The following LEPR variants were observed in gnomAD, a reference collection of about 807,000 sequenced individuals.
LEPR encodes the protein leptin receptor.
LEPR carries 56 observed loss-of-function variants against 114.7 expected under a neutral mutation model. The ratio of observed to expected loss-of-function variants is 0.49; its 90% CI spans 0.39 to 0.61. The LOEUF (loss-of-function observed/expected upper bound fraction) is 0.61. Ranked by LOEUF, LEPR falls within the 20% of genes least tolerant of loss-of-function variation. LEPR has a pLI of 0.00. For synonymous variants in LEPR, 443 were observed against 461.4 expected (o/e 0.96, Z 0.51); for missense variants, 1,202 against 1,352.9 (o/e 0.89, Z 1.75).
Position 65,566,201 on chromosome 1 carries a change from C to CTTT in LEPR, c.40+614_40+616dup, listed in dbSNP as rs35617332. The stretch of plus-strand genomic sequence containing the variant: ...GGAAAAATATTTCTGTAGATTAATT[C>CTTT]TTTTTTTTTTTTTTTTTTTTGAGAC... On this transcript the variant is annotated intron_variant, in intron 3 of 19. Coordinates refer to ENST00000349533, the MANE Select transcript of LEPR (RefSeq NM_002303.6). Among the ~76,000 whole-genome samples, 138 of 113,540 alleles carry CTTT rather than the reference C, an allele frequency of 1.2e-3. 1 individual carries two copies. The highest frequency in any genetic ancestry group is 1.9e-3 in the East Asian group (7 of 3,736). The allele number at this position is 113,540 out of a possible 152,430, so 74.5% of individuals were successfully genotyped here.
intron 2 of LEPR, among the ~76,000 whole-genome samples, chr1:65,464,444 T>A (rs1646984378): frequency 6.6e-6 from 1 of 152,216 alleles, no homozygotes; most frequent in Non-Finnish European, 1.5e-5. Context: ...TTATTGAGGA[T>A]TTTTGCGTTG....
chr1:65,549,868 C>G (rs1274551987), intron 2 of LEPR, among the ~76,000 whole-genome samples: 1 of 152,184 alleles, frequency 6.6e-6, no homozygotes, highest in African/African-American at 2.4e-5. Flanking sequence ...AACTGCGTTC[C>G]TTTGGAGGAG....
intron 2 of LEPR, among the ~76,000 whole-genome samples, chr1:65,463,935 G>A (rs537480056): frequency 5.8e-4 from 88 of 152,260 alleles, no homozygotes; most frequent in African/African-American, 2.1e-3. Context: ...CTGAGATGAT[G>A]GGGTTTTCTA....
chr1:65,565,498 G>A (rs919037108), intron 2 of LEPR, 48 bp from the exon 3 acceptor site: 34 of 1,573,770 alleles, frequency 2.2e-5, no homozygotes, highest in Non-Finnish European at 2.9e-5. Context: ...TTATATATAT[G>A]TGTTTTTGTT....
intron 2 of LEPR, among the ~76,000 whole-genome samples, chr1:65,462,204 A>G (rs1325778816): frequency 6.6e-6 from 1 of 151,534 alleles, no homozygotes; most frequent in Non-Finnish European, 1.5e-5. Flanking sequence ...CCCTGTGTCC[A>G]TGTGTTCTTG....
intron 5 of LEPR, among the ~76,000 whole-genome samples, chr1:65,591,369 A>G (rs961061559): frequency 2.0e-5 from 3 of 152,156 alleles, no homozygotes; most frequent in African/African-American, 7.2e-5. Flanking sequence ...ATCCTTACTA[A>G]TTTCTGTCTA....
In LEPR at chr1:65,589,691, A is replaced by G. The variant is rs189891291; in HGVS notation, c.495-2966A>G. 4.2e-3 allele frequency among the ~76,000 whole-genome samples: 636 copies of G among 152,134 alleles called. 4 individuals are homozygous for G. The highest frequency in any genetic ancestry group is 6.8e-3 in the Non-Finnish European group (462 of 67,910). On this transcript the variant is annotated intron_variant, in intron 5 of 19. Transcript: ENST00000349533. Reference sequence around the variant, plus strand: ...ATCAGAAAGATTATCATTTTTCCACAGAATTTCTTTTGTGCCTTTGTAGAA... The same window carrying G: ...ATCAGAAAGATTATCATTTTTCCACGGAATTTCTTTTGTGCCTTTGTAGAA...
chr1:65,533,611 C>A (rs1237643984), intron 2 of LEPR, among the ~76,000 whole-genome samples: 1 of 152,084 alleles, frequency 6.6e-6, no homozygotes, highest in African/African-American at 2.4e-5. Flanking sequence ...TTCAGCCTTT[C>A]TTCTTTTTGA....
chr1:65,429,789 A>G (rs2100215845), intron 2 of LEPR: 3 of 1,213,118 alleles, frequency 2.5e-6, no homozygotes, highest in East Asian at 5.4e-5. Flanking sequence ...TGATTTTGAA[A>G]TAGTAGTATG....
chr1:65,616,633 GT>G (rs1657543941), intron 15 of LEPR, among the ~76,000 whole-genome samples: 1 of 151,868 alleles, frequency 6.6e-6, no homozygotes, highest in Non-Finnish European at 1.5e-5. Context: ...TTAACACTAT[GT>G]AAAATAGTAA....
At chr1:65,582,582 C>T (rs1315522671) in intron 5 of LEPR, among the ~76,000 whole-genome samples, 1 of 152,176 alleles carries the variant, frequency 6.6e-6, no homozygotes, top group Non-Finnish European at 1.5e-5. Context: ...ACAACAGAAG[C>T]AGGTGGAGTT....
chr1:65,478,349 T>C (rs1267908792), intron 2 of LEPR, among the ~76,000 whole-genome samples: 1 of 152,168 alleles, frequency 6.6e-6, no homozygotes, highest in Non-Finnish European at 1.5e-5. Flanking sequence ...ACTGTAAAAT[T>C]ATATTACATC....
At chr1:65,625,124 G>T (rs988133428) in intron 19 of LEPR, among the ~76,000 whole-genome samples, 56 of 152,202 alleles carry the variant, frequency 3.7e-4, no homozygotes, top group Middle Eastern at 3.4e-3. Context: ...TTCAGAGAGA[G>T]ATATATATAT....
Position 65,601,381 on chromosome 1 carries a change from C to A in LEPR, c.995-11C>A. The A allele has an allele frequency of 1.2e-6, 2 of 1,611,106 alleles. No individual in the cohort carries two copies. The highest frequency in any genetic ancestry group is 2.2e-5 in the East Asian group (1 of 44,818). On this transcript the variant is annotated splice_polypyrimidine_tract_variant and intron_variant, in intron 8 of 19. Transcript: ENST00000349533. ...TGTCTTCATCTGATATCCTTTCTTC[C>A]CTCATTACAGATGTCATATACTTTC...
chr1:65,420,730 G>A lies in LEPR; in HGVS notation c.-107G>A, dbSNP rs763273103. The A allele has an allele frequency of 6.3e-7, 1 of 1,583,022 alleles. No homozygotes were observed. The highest frequency in any genetic ancestry group is 2.3e-5 in the East Asian group (1 of 43,336). ...GCGGCCCCAGTTCGGGAGACATGGC[G>A]GGCGTTAAAGGTACATCGCGGTCCC... On this transcript the variant is annotated 5_prime_UTR_variant, in exon 1 of 20. Transcript: ENST00000349533.
chr1:65,531,878 A>G (rs1335762294), intron 2 of LEPR, among the ~76,000 whole-genome samples: 6 of 146,790 alleles, frequency 4.1e-5, no homozygotes, highest in Admixed American at 4.1e-4. Context: ...TAGTATACGA[A>G]GTTTCTTTAG....
At chr1:65,579,940 A>G (rs971807821) in intron 5 of LEPR, among the ~76,000 whole-genome samples, 1 of 152,210 alleles carries the variant, frequency 6.6e-6, no homozygotes, top group African/African-American at 2.4e-5. Flanking sequence ...TAGGACCCAG[A>G]AGAATGAGAA....
intron 2 of LEPR, among the ~76,000 whole-genome samples, chr1:65,457,799 C>T (rs545005407): frequency 1.6e-4 from 25 of 152,060 alleles, no homozygotes; most frequent in African/African-American, 2.4e-4. Context: ...TTTTAAATTT[C>T]GAGACAGGCT....
chr1:65,492,613 G>T (rs2100496178), intron 2 of LEPR, among the ~76,000 whole-genome samples: 1 of 152,070 alleles, frequency 6.6e-6, no homozygotes, highest in Middle Eastern at 3.4e-3. Context: ...TATGGCCTGA[G>T]ATATCCTAAT....
Sources: allele counts gnomAD v4.1 joint callset (sites outside exome capture counted in the v4.1 genomes callset), GRCh38; gene constraint gnomAD v4.1.1; transcripts MANE v1.5; gene names NCBI Gene and HGNC (gene_info 2026-07-23, HGNC 2026-07-21).